Variants in EPHA6 observed in about 807,000 individuals in gnomAD.
EPHA6 encodes EPH receptor A6, also known as ephrin type-A receptor 6.
Under a neutral mutation model 112.0 loss-of-function variants are expected in EPHA6, and 50 were observed. The observed-to-expected ratio is 0.45, with a 90% CI of 0.36 to 0.56. EPHA6 has a LOEUF of 0.56. Ranked by LOEUF, EPHA6 falls within the 20% of genes least tolerant of loss-of-function variation. The probability of loss-of-function intolerance (pLI) is 0.00; values close to 1 mark genes in which losing one functional copy is unlikely to be tolerated. For synonymous variants in EPHA6, 529 were observed against 490.7 expected (o/e 1.08, Z -1.03); for missense variants, 1,280 against 1,417.4 (o/e 0.90, Z 1.56).
rs2035867902 is a variant in EPHA6 at position 97,750,328 on chromosome 3, T to G, written c.*1627T>G. Among the ~76,000 whole-genome samples, 1 of 151,694 alleles carries G rather than the reference T, an allele frequency of 6.6e-6. No individual in the cohort carries two copies. The highest frequency in any genetic ancestry group is 1.5e-5 in the Non-Finnish European group (1 of 67,902). Reference sequence around the variant, plus strand: ...TTTTTTTTAAATAAAGGACCCTGTTTTTGTTTTTTGTTTTTGTTTTTGTTG... The same window carrying G: ...TTTTTTTTAAATAAAGGACCCTGTTGTTGTTTTTTGTTTTTGTTTTTGTTG... On this transcript the variant is annotated 3_prime_UTR_variant, in exon 18 of 18. Coordinates refer to ENST00000389672, the MANE Select transcript of EPHA6 (RefSeq NM_001080448.3).
chr3:97,150,057 CTAAGT>C (rs1159532903), intron 3 of EPHA6, among the ~76,000 whole-genome samples: 1 of 151,808 alleles, frequency 6.6e-6, no homozygotes, highest in Non-Finnish European at 1.5e-5. Context: ...CATTTCCTTC[CTAAGT>C]TATGATGAGC....
At chr3:97,470,369 C>A (rs149765917) in intron 7 of EPHA6, among the ~76,000 whole-genome samples, 26 of 151,674 alleles carry the variant, frequency 1.7e-4, no homozygotes, top group African/African-American at 6.0e-4. Flanking sequence ...TTGTGAGATG[C>A]TTTATTTAAA....
At chr3:97,197,306 G>T (rs1186440923) in intron 3 of EPHA6, among the ~76,000 whole-genome samples, 1 of 151,936 alleles carries the variant, frequency 6.6e-6, no homozygotes, top group Non-Finnish European at 1.5e-5. Context: ...CGTGGCCCTG[G>T]ATCTCACCCA....
At chr3:97,602,213 T>C (rs941292615) in intron 12 of EPHA6, among the ~76,000 whole-genome samples, 3 of 152,040 alleles carry the variant, frequency 2.0e-5, no homozygotes, top group African/African-American at 7.2e-5. Context: ...AAATTTATTT[T>C]TAATGGAACC....
intron 14 of EPHA6, among the ~76,000 whole-genome samples, chr3:97,698,854 C>T (rs2033200004): frequency 1.3e-5 from 2 of 152,156 alleles, no homozygotes. Flanking sequence ...ATCCACAAGT[C>T]CTCGCACGGT....
intron 5 of EPHA6, among the ~76,000 whole-genome samples, chr3:97,333,463 CTTTTCTTTTTTTTT>C (rs2082900752): frequency 8.7e-6 from 1 of 115,434 alleles, no homozygotes; most frequent in Admixed American, 8.5e-5. Context: ...CTCTGTATGG[CTTTTCTTTTTTTTT>C]TTTTTTTTTT....
At chr3:97,514,233 G>A (rs1226944933) in intron 10 of EPHA6, among the ~76,000 whole-genome samples, 2 of 152,074 alleles carry the variant, frequency 1.3e-5, no homozygotes, top group Non-Finnish European at 2.9e-5. Context: ...TCTAAAGATG[G>A]CCTTCATTCC....
At chr3:97,014,629 A>T (rs1025033330) in intron 3 of EPHA6, among the ~76,000 whole-genome samples, 1 of 152,224 alleles carries the variant, frequency 6.6e-6, no homozygotes, top group African/African-American at 2.4e-5. Context: ...ATGCTTGCAG[A>T]ATTTAATGAT....
intron 10 of EPHA6, among the ~76,000 whole-genome samples, chr3:97,510,877 A>G (rs2092351694): frequency 6.6e-6 from 1 of 152,202 alleles, no homozygotes; most frequent in South Asian, 2.1e-4. Flanking sequence ...TCTTTCAGAG[A>G]TGCCCTGCCC....
intron 12 of EPHA6, among the ~76,000 whole-genome samples, chr3:97,605,674 G>T (rs949817223): frequency 1.3e-5 from 2 of 151,614 alleles, no homozygotes; most frequent in African/African-American, 4.8e-5. Context: ...TTTGAAGTTG[G>T]GTAATGATAT....
chr3:97,088,281 A>G (rs900584491), intron 3 of EPHA6, among the ~76,000 whole-genome samples: 13 of 152,158 alleles, frequency 8.5e-5, no homozygotes, highest in African/African-American at 3.1e-4. Context: ...CAGGAATTGA[A>G]TGGAAGGGTT....
intron 5 of EPHA6, among the ~76,000 whole-genome samples, chr3:97,382,482 G>A (rs995001093): frequency 6.6e-6 from 1 of 151,980 alleles, no homozygotes; most frequent in Non-Finnish European, 1.5e-5. Context: ...TTTTCAAAAG[G>A]CATTAAGGAA....
intron 2 of EPHA6, among the ~76,000 whole-genome samples, chr3:96,883,175 T>C (rs2037424422): frequency 6.6e-6 from 1 of 152,150 alleles, no homozygotes; most frequent in Non-Finnish European, 1.5e-5. Flanking sequence ...TCCCTGATCA[T>C]TAGTAATTTT....
chr3:97,447,634 T>C, intron 6 of EPHA6: 1 of 268,952 alleles, frequency 3.7e-6, no homozygotes, highest in Non-Finnish European at 5.9e-6. Flanking sequence ...TTGTGGACAA[T>C]CTCTTACATG....
At position 96,814,796 on chromosome 3, in the gene EPHA6, A is replaced by G. The variant is rs1474462409; in HGVS notation, c.173A>G (p.Glu58Gly). 5.7e-6 allele frequency: 9 copies of G among 1,586,834 alleles called. No homozygotes were observed. Among genetic ancestry groups the G allele is most frequent in the Non-Finnish European group, 7.7e-6 (9 of 1,164,344 alleles). Residue 58 changes from glutamate (E) to glycine (G), a missense_variant, in exon 1 of 18, where the codon GAG becomes GGG. This residue lies in a region of EPHA6 where 220 missense variants were observed against 171.5 expected (regional missense o/e 1.28). Coordinates refer to ENST00000389672, the MANE Select transcript of EPHA6 (RefSeq NM_001080448.3). Reference sequence around the variant, plus strand: ...CCTGCGGGCCGGGTGGAGGAGGAAGAGGAGGAGGAGGAAGAAGACGTGGAC... The same window carrying G: ...CCTGCGGGCCGGGTGGAGGAGGAAGGGGAGGAGGAGGAAGAAGACGTGGAC... Reference protein sequence around the residue: ...TPPAGRVEEEEEEEEEDVDKD... With the variant: ...TPPAGRVEEEGEEEEEDVDKD...
chr3:97,330,782 C>T (rs535326610), intron 5 of EPHA6, among the ~76,000 whole-genome samples: 3 of 152,020 alleles, frequency 2.0e-5, no homozygotes, highest in Non-Finnish European at 4.4e-5. Context: ...CTTAGACTCC[C>T]AAAGAATAAT....
chr3:97,284,153 T>C (rs1014985215), intron 5 of EPHA6, among the ~76,000 whole-genome samples: 2 of 152,068 alleles, frequency 1.3e-5, no homozygotes, highest in African/African-American at 4.8e-5. Flanking sequence ...AGAAATCTAT[T>C]TAAAGTTTCC....
intron 2 of EPHA6, among the ~76,000 whole-genome samples, chr3:96,880,201 T>A (rs1269491748): frequency 2.0e-5 from 3 of 152,160 alleles, no homozygotes; most frequent in Non-Finnish European, 4.4e-5. Flanking sequence ...CTAAATACCT[T>A]GATTTGATTA....
chr3:97,211,731 C>T (rs2077882359), intron 3 of EPHA6, among the ~76,000 whole-genome samples: 2 of 152,170 alleles, frequency 1.3e-5, no homozygotes, highest in Admixed American at 6.6e-5. Flanking sequence ...GGCATACACA[C>T]ACTCAGTCAA....
Sources: gnomAD v4.1 joint callset for allele counts (sites outside exome capture counted in the v4.1 genomes callset) on GRCh38, gnomAD v4.1.1 for gene constraint, gnomAD v4.1.1 regional missense constraint, MANE v1.5 for transcripts, NCBI Gene and HGNC (gene_info 2026-07-23, HGNC 2026-07-21) for gene names.